The following RAB30 variants were observed in gnomAD, a reference collection of about 807,000 sequenced individuals.
The protein encoded by RAB30 is RAB30, member RAS oncogene family.
RAB30 carries 9 observed loss-of-function variants against 25.1 expected under a neutral mutation model. The observed-to-expected ratio is 0.36, with a 90% CI of 0.22 to 0.63. The LOEUF is 0.63. RAB30 is among the 20% of genes least tolerant of loss of function. The pLI is 0.69. For synonymous variants in RAB30, 77 were observed against 86.4 expected (o/e 0.89, Z 0.60); for missense variants, 140 against 243.5 (o/e 0.58, Z 2.83).
intron 3 of RAB30, among the ~76,000 whole-genome samples, chr11:82,992,716 CTT>C (rs1419581493): frequency 1.9e-4 from 28 of 147,744 alleles, no homozygotes; most frequent in African/African-American, 6.6e-4. Context: ...TTCTCTCTCT[CTT>C]TCTCTCTCTC....
At chr11:83,044,498 A>C (rs1858195359) in intron 1 of RAB30, among the ~76,000 whole-genome samples, 1 of 152,230 alleles carries the variant, frequency 6.6e-6, no homozygotes, top group African/African-American at 2.4e-5. Flanking sequence ...TATAAAAAAC[A>C]GTAATCCAGG....
chr11:83,058,875 G>A (rs1448568049), intron 1 of RAB30, among the ~76,000 whole-genome samples: 5 of 152,186 alleles, frequency 3.3e-5, no homozygotes, highest in African/African-American at 7.2e-5. Flanking sequence ...CCAGTTTGTA[G>A]GCTCTCACAC....
intron 3 of RAB30, among the ~76,000 whole-genome samples, chr11:82,990,423 G>A (rs981213110): frequency 6.6e-6 from 1 of 152,216 alleles, no homozygotes; most frequent in Non-Finnish European, 1.5e-5. Context: ...GATTAGTAGG[G>A]TATTAAAGAA....
chr11:82,982,201 T>C lies in RAB30; in HGVS notation c.576A>G (p.Lys192=). 6.2e-7 allele frequency: 1 copy of C among 1,614,260 alleles called. No homozygotes were observed. Among genetic ancestry groups the C allele is most frequent in the Non-Finnish European group, 8.5e-7 (1 of 1,180,054 alleles). The change falls in exon 5 of 5, where the codon AAA becomes AAG. Residue 192 remains lysine (K), a synonymous_variant. Transcript: ENST00000527633. ...NVSSPLPGEG[K]SISYLTCCNF... is the part of the protein sequence containing the mutation. ...TACAACAAGTCAAATAGCTGATGCT[T>C]TTCCCTTCTCCAGGTAAGGGTGAGG...
intron 1 of RAB30, among the ~76,000 whole-genome samples, chr11:83,019,676 T>G (rs1281221143): frequency 6.6e-6 from 1 of 152,216 alleles, no homozygotes; most frequent in Non-Finnish European, 1.5e-5. Context: ...CACACAAATT[T>G]AGCTCTTGAT....
intron 1 of RAB30, among the ~76,000 whole-genome samples, chr11:83,024,663 A>G (rs1037606983): frequency 1.3e-5 from 2 of 152,232 alleles, no homozygotes; most frequent in Non-Finnish European, 2.9e-5. Context: ...TGGCATTTGA[A>G]CAAGACCACA....
Position 82,978,978 on chromosome 11 carries a change from G to A in RAB30, c.*3187C>T, listed in dbSNP as rs1246164628. 1 of 151,948 alleles carries A rather than the reference G, an allele frequency of 6.6e-6. No homozygotes were observed. The highest frequency in any genetic ancestry group is 1.5e-5 in the Non-Finnish European group (1 of 67,972). The allele number at this position is 151,948 out of a possible 1,614,324, so 9.4% of individuals were successfully genotyped here. A position where few individuals can be genotyped will look rare whatever the true frequency, so the allele number is the denominator to read the frequency against. ...AAAAACGTGAAATGATTAAAAGACC[G>A]AGAAAAAGAAAGGCCAGGAAGAACC... On this transcript the variant is annotated 3_prime_UTR_variant, in exon 5 of 5. Coordinates refer to ENST00000527633, the MANE Select transcript of RAB30 (RefSeq NM_001286060.2).
At chr11:83,029,946 A>T (rs1817705173) in intron 1 of RAB30, among the ~76,000 whole-genome samples, 1 of 152,214 alleles carries the variant, frequency 6.6e-6, no homozygotes, top group South Asian at 2.1e-4. Context: ...AGGAATGGAA[A>T]ACCAGATACC....
intron 1 of RAB30, among the ~76,000 whole-genome samples, chr11:83,055,127 TTCTGCA>T (rs754267401): frequency 1.3e-5 from 2 of 152,314 alleles, no homozygotes; most frequent in Middle Eastern, 3.4e-3. Flanking sequence ...GAGTCACAAT[TTCTGCA>T]TCTGCATCTG....
At chr11:83,023,724 G>C (rs1857639991) in intron 1 of RAB30, among the ~76,000 whole-genome samples, 1 of 152,144 alleles carries the variant, frequency 6.6e-6, no homozygotes, top group African/African-American at 2.4e-5. Context: ...TCTTCAATCT[G>C]TTTATAATAT....
chr11:83,069,632 A>G (rs560258443), intron 1 of RAB30, among the ~76,000 whole-genome samples: 2 of 150,552 alleles, frequency 1.3e-5, no homozygotes, highest in African/African-American at 4.9e-5. Flanking sequence ...AAGGATAAGG[A>G]AAAAAAAAAT....
At chr11:83,003,553 G>C (rs1857130085) in intron 1 of RAB30, among the ~76,000 whole-genome samples, 1 of 152,156 alleles carries the variant, frequency 6.6e-6, no homozygotes, top group African/African-American at 2.4e-5. Flanking sequence ...CTCCCCAGTA[G>C]CTGGGATTAC....
rs191840704 is a variant in RAB30, at chr11:83,001,001, C to A, written c.-8-3677G>T. On this transcript the variant is annotated intron_variant, in intron 1 of 4. Transcript: ENST00000527633. ...GGCAGAGCTTGCAGTGAGCTGAGAT[C>A]GCGCCACAGCACTCCCGCCTGGGCG... Among the ~76,000 whole-genome samples the A allele has an allele frequency of 2.8e-3, 392 of 138,964 alleles. 8 individuals are homozygous for A. The highest frequency in any genetic ancestry group is 2.2e-3 in the East Asian group (10 of 4,470). 91.2% of individuals were successfully genotyped at this position (138,964 alleles called of 152,430 possible).
intron 1 of RAB30, among the ~76,000 whole-genome samples, chr11:83,014,679 AAAGAAAG>A (rs1565277183): frequency 2.0e-5 from 3 of 147,380 alleles, no homozygotes; most frequent in Non-Finnish European, 4.5e-5. Flanking sequence ...AGAAAGAAAG[AAAGAAAG>A]AAAGAAAGAG....
At chr11:83,033,560 C>T (rs952297801) in intron 1 of RAB30, among the ~76,000 whole-genome samples, 5 of 152,182 alleles carry the variant, frequency 3.3e-5, no homozygotes, top group Non-Finnish European at 5.9e-5. Flanking sequence ...ATCCCTACAA[C>T]CACACTGTGA....
intron 2 of RAB30, 111 bp from the exon 3 acceptor site, chr11:82,994,233 G>T: frequency 3.4e-6 from 3 of 870,508 alleles, no homozygotes; most frequent in South Asian, 3.3e-5. Context: ...CAGCTGAGGT[G>T]ACTGGTAGAA....
chr11:83,013,851 A>G (rs765919883), intron 1 of RAB30, among the ~76,000 whole-genome samples: 14 of 152,244 alleles, frequency 9.2e-5, no homozygotes, highest in Non-Finnish European at 1.8e-4. Flanking sequence ...TAGTTTCTAT[A>G]AAAACAATGT....
chr11:83,007,601 C>T (rs561714265), intron 1 of RAB30, among the ~76,000 whole-genome samples: 1 of 152,108 alleles, frequency 6.6e-6, no homozygotes, highest in Non-Finnish European at 1.5e-5. Context: ...GAGAAGCTGG[C>T]CATGGGGAGC....
chr11:83,058,570 T>A (rs559827734), intron 1 of RAB30, among the ~76,000 whole-genome samples: 1 of 152,380 alleles, frequency 6.6e-6, no homozygotes, highest in Admixed American at 6.5e-5. Context: ...TCTGTATCTT[T>A]GGCAGGAATG....
Sources: gnomAD v4.1 joint callset for allele counts (sites outside exome capture counted in the v4.1 genomes callset) on GRCh38, gnomAD v4.1.1 for gene constraint, MANE v1.5 for transcripts, NCBI Gene and HGNC (gene_info 2026-07-23, HGNC 2026-07-21) for gene names.